Variants in SLC43A3 observed in about 807,000 individuals in gnomAD.
The protein encoded by SLC43A3 is equilibrative nucleobase transporter 1.
SLC43A3 carries 33 observed loss-of-function variants against 53.3 expected under a neutral mutation model. The observed-to-expected ratio is 0.62, with a 90% CI of 0.47 to 0.83. SLC43A3 has a LOEUF of 0.83. SLC43A3 is among the 40% of genes least tolerant of loss of function. The pLI is 0.00. For synonymous variants in SLC43A3, 236 were observed against 246.2 expected (o/e 0.96, Z 0.39); for missense variants, 530 against 610.0 (o/e 0.87, Z 1.38).
chr11:57,409,254 G>A lies in SLC43A3; in HGVS notation c.1292C>T (p.Ala431Val), dbSNP rs773996402. ...GAGCAGAGACACCACAGCCGACAAG[G>A]CCATCACCAGCCCAAAGAGCTTGCC... ...HFGKLFGLVM[A>V]LSAVVSLLQF... The change falls in exon 13 of 14, where the codon GCC becomes GTC. Residue 431 changes from alanine to valine, a missense_variant. Ala to Val is a moderately conservative substitution (Grantham distance 64, BLOSUM62 0). Transcript: ENST00000395124. The A allele has an allele frequency of 2.5e-6, 4 of 1,614,058 alleles. No individual in the cohort carries two copies. The highest frequency in any genetic ancestry group is 2.2e-5 in the South Asian group (2 of 91,082).
intron 8 of SLC43A3, 91 bp downstream of exon 8, chr11:57,417,657 C>T: frequency 6.8e-7 from 1 of 1,461,910 alleles, no homozygotes; most frequent in South Asian, 1.3e-5. Flanking sequence ...TCCAGTCCTC[C>T]TCCTCTCCTG....
intron 9 of SLC43A3, 35 bp from the exon 10 acceptor site, chr11:57,415,141 G>A (rs376228323): frequency 1.4e-5 from 22 of 1,588,698 alleles, no homozygotes; most frequent in Middle Eastern, 1.8e-4. Flanking sequence ...CGTGAATTAC[G>A]AGGAAAGTGG....
At chr11:57,408,152 G>T in intron 13 of SLC43A3, 1 of 390,972 alleles carries the variant, frequency 2.6e-6, no homozygotes. Context: ...GGCCTAGCGA[G>T]CATTCAATGA....
chr11:57,418,032 T>G, intron 7 of SLC43A3, 145 bp from the exon 8 acceptor site: 4 of 761,092 alleles, frequency 5.3e-6, no homozygotes, highest in Middle Eastern at 3.4e-4. Flanking sequence ...AATGGAATAT[T>G]ATTCAGCCTT....
At chr11:57,415,164 G>T in intron 9 of SLC43A3, 58 bp from the exon 10 acceptor site, 2 of 1,584,990 alleles carry the variant, frequency 1.3e-6, no homozygotes, top group Admixed American at 3.4e-5. Flanking sequence ...AGGTAGGATG[G>T]GGAGTGTGGA....
intron 11 of SLC43A3, among the ~76,000 whole-genome samples, chr11:57,413,171 G>A (rs898990257): frequency 5.3e-5 from 8 of 151,796 alleles, no homozygotes; most frequent in African/African-American, 1.5e-4. Context: ...TTAAAACAAC[G>A]CCAAATCCAA....
chr11:57,414,033 C>T (rs1309994506), intron 11 of SLC43A3, among the ~76,000 whole-genome samples: 1 of 152,300 alleles, frequency 6.6e-6, no homozygotes, highest in Admixed American at 6.5e-5. Context: ...GTTTGCTTCA[C>T]GGATTATAAC....
At chr11:57,413,808 T>G (rs1395889513) in intron 11 of SLC43A3, among the ~76,000 whole-genome samples, 1 of 152,110 alleles carries the variant, frequency 6.6e-6, no homozygotes, top group Non-Finnish European at 1.5e-5. Flanking sequence ...CTGCCCAGAT[T>G]CCTCAATGTT....
chr11:57,416,552 G>A (rs185366082), intron 9 of SLC43A3, 21 bp downstream of exon 9: 1 of 1,594,150 alleles, frequency 6.3e-7, no homozygotes, highest in East Asian at 2.2e-5. Context: ...GAGGAGAGAT[G>A]GGTTAGCCAG....
At chr11:57,417,630 G>T in intron 8 of SLC43A3, 118 bp downstream of exon 8, 1 of 1,156,530 alleles carries the variant, frequency 8.6e-7, no homozygotes, top group Non-Finnish European at 1.2e-6. Context: ...TGCAGCAATA[G>T]CTAACAGATG....
intron 1 of SLC43A3, 176 bp from the exon 2 acceptor site, chr11:57,426,828 C>T (rs1943215920): frequency 6.6e-6 from 1 of 152,334 alleles, no homozygotes; most frequent in Admixed American, 6.5e-5. Flanking sequence ...ACGACGCAGG[C>T]CATTCTACTG....
intron 7 of SLC43A3, among the ~76,000 whole-genome samples, chr11:57,419,422 A>G (rs1942880044): frequency 6.6e-6 from 1 of 152,176 alleles, no homozygotes. Context: ...ATTGCTCAAT[A>G]AATTGACAGA....
rs369233295 is a variant in SLC43A3 at position 57,411,601 on chromosome 11, G to T, written c.1061-1480C>A. 1.1e-4 allele frequency among the ~76,000 whole-genome samples: 17 copies of T among 152,180 alleles called. 1 individual carries two copies. Among genetic ancestry groups the T allele is most frequent in the African/African-American group, 3.9e-4 (16 of 41,496 alleles). On this transcript the variant is annotated intron_variant, in intron 11 of 13. Transcript: ENST00000395124. ...GATCACTTGAGCCCAGGAGGTTGAGGCTGCAGTGAGCCGTGATCGTACCAC... is the reference window on the plus strand; with the variant it reads ...GATCACTTGAGCCCAGGAGGTTGAGTCTGCAGTGAGCCGTGATCGTACCAC...
intron 4 of SLC43A3, 89 bp from the exon 5 acceptor site, chr11:57,424,117 T>C: frequency 7.5e-7 from 1 of 1,326,442 alleles, no homozygotes; most frequent in Non-Finnish European, 1.1e-6. Flanking sequence ...AGCCCACAAG[T>C]GTAGGACTTG....
intron 11 of SLC43A3, among the ~76,000 whole-genome samples, chr11:57,412,976 A>T (rs1030019273): frequency 6.6e-6 from 1 of 151,966 alleles, no homozygotes; most frequent in East Asian, 1.9e-4. Context: ...GATCAATCTT[A>T]ACATCGTAAC....
intron 3 of SLC43A3, 96 bp downstream of exon 3, chr11:57,425,893 G>T: frequency 7.2e-7 from 1 of 1,392,892 alleles, no homozygotes; most frequent in Non-Finnish European, 1.0e-6. Flanking sequence ...TCTCATCATA[G>T]AAAGAGGGGT....
intron 7 of SLC43A3, among the ~76,000 whole-genome samples, chr11:57,419,839 G>A (rs1942909011): frequency 6.6e-6 from 1 of 151,768 alleles, no homozygotes; most frequent in Admixed American, 6.6e-5. Context: ...GAAAGATGAG[G>A]CAGCCATCTG....
intron 10 of SLC43A3, 60 bp downstream of exon 10, chr11:57,414,873 G>A: frequency 1.3e-6 from 2 of 1,594,898 alleles, no homozygotes; most frequent in Non-Finnish European, 1.7e-6. Context: ...GCCCTGCTGG[G>A]AGGCTCTGTG....
intron 8 of SLC43A3, 31 bp downstream of exon 8, chr11:57,417,717 C>T: frequency 6.2e-7 from 1 of 1,613,250 alleles, no homozygotes; most frequent in South Asian, 1.1e-5. Context: ...CAATGAGGGG[C>T]TCTGGCCCAC....
Sources: gnomAD v4.1 joint callset for allele counts (sites outside exome capture counted in the v4.1 genomes callset) on GRCh38, gnomAD v4.1.1 for gene constraint, MANE v1.5 for transcripts, NCBI Gene and HGNC (gene_info 2026-07-23, HGNC 2026-07-21) for gene names.